Variants in DCAF5 observed in about 807,000 individuals in gnomAD.
DCAF5 encodes the protein DDB1- and CUL4-associated factor 5.
DCAF5 carries 9 observed loss-of-function variants against 80.7 expected under a neutral mutation model. That is an observed-to-expected ratio of 0.11 (90% CI 0.07 to 0.19). DCAF5 has a LOEUF of 0.19. DCAF5 is among the 10% of genes least tolerant of loss of function. The pLI is 1.00. For synonymous variants in DCAF5, 433 were observed against 461.9 expected (o/e 0.94, Z 0.80); for missense variants, 842 against 1,205.7 (o/e 0.70, Z 4.47).
intron 6 of DCAF5, among the ~76,000 whole-genome samples, chr14:69,076,471 A>G (rs761783064): frequency 6.6e-5 from 10 of 152,260 alleles, no homozygotes; most frequent in Non-Finnish European, 1.3e-4. Flanking sequence ...AAGGAATGAA[A>G]TTCTGACACA....
At chr14:69,143,717 G>A (rs1417684748) in intron 1 of DCAF5, 2 of 152,218 alleles carry the variant, frequency 1.3e-5, no homozygotes, top group Non-Finnish European at 2.9e-5. Context: ...TGGCAGTGGC[G>A]ACTAATAAGT....
chr14:69,123,204 C>T (rs137863861), intron 1 of DCAF5, among the ~76,000 whole-genome samples: 140 of 152,288 alleles, frequency 9.2e-4, no homozygotes, highest in African/African-American at 3.1e-3. Context: ...CAAAGATACC[C>T]GTTAAGGGGG....
chr14:69,067,957 T>G (rs2038527364), intron 7 of DCAF5, among the ~76,000 whole-genome samples: 1 of 152,160 alleles, frequency 6.6e-6, no homozygotes, highest in Admixed American at 6.5e-5. Flanking sequence ...TACAGCATTT[T>G]TACTATAATG....
intron 5 of DCAF5, among the ~76,000 whole-genome samples, chr14:69,110,384 G>A (rs1176714519): frequency 1.3e-5 from 2 of 149,968 alleles, no homozygotes; most frequent in Non-Finnish European, 3.0e-5. Context: ...TCCTGCCTCA[G>A]CCTCCCAAGT....
intron 5 of DCAF5, among the ~76,000 whole-genome samples, chr14:69,111,820 T>C (rs1566764895): frequency 6.6e-6 from 1 of 152,118 alleles, no homozygotes; most frequent in Non-Finnish European, 1.5e-5. Flanking sequence ...AAGTGTGAAA[T>C]GTTTTTTTAT....
intron 1 of DCAF5, among the ~76,000 whole-genome samples, chr14:69,125,243 G>A (rs2040840667): frequency 6.6e-6 from 1 of 152,140 alleles, no homozygotes; most frequent in Non-Finnish European, 1.5e-5. Flanking sequence ...GTCCGCCTTA[G>A]TAGCATAACT....
chr14:69,067,376 C>G (rs1222040318), intron 7 of DCAF5, among the ~76,000 whole-genome samples: 1 of 141,518 alleles, frequency 7.1e-6, no homozygotes, highest in Non-Finnish European at 1.5e-5. Context: ...CAGGGTCTCA[C>G]TCTGTTCCCC....
chr14:69,068,206 A>G (rs936321099), intron 7 of DCAF5, among the ~76,000 whole-genome samples: 2 of 152,198 alleles, frequency 1.3e-5, no homozygotes, highest in African/African-American at 4.8e-5. Context: ...AAGGCAAAAA[A>G]TGTTCATTTT....
intron 1 of DCAF5, among the ~76,000 whole-genome samples, chr14:69,137,008 T>C (rs972975985): frequency 4.6e-5 from 7 of 152,214 alleles, no homozygotes; most frequent in African/African-American, 1.7e-4. Flanking sequence ...ATATTAACAA[T>C]GGTCATCCTG....
rs146394843 is a variant in DCAF5 at position 69,058,216 on chromosome 14, C to T, written c.1075-2605G>A. On this transcript the variant is annotated intron_variant, in intron 8 of 8. Coordinates refer to ENST00000341516, the MANE Select transcript of DCAF5 (RefSeq NM_003861.3). ...AGTGAATCAATGAAAAACCAACTTC[C>T]TGTTACATGTTAAATGTGGCAGCCG... 1.5e-3 allele frequency among the ~76,000 whole-genome samples: 235 copies of T among 152,218 alleles called. 2 individuals carry two copies. Among genetic ancestry groups the T allele is most frequent in the Admixed American group, 2.3e-3 (35 of 15,288 alleles).
chr14:69,102,450 T>C (rs1016727050), intron 5 of DCAF5, among the ~76,000 whole-genome samples: 32 of 152,062 alleles, frequency 2.1e-4, no homozygotes, highest in Admixed American at 4.6e-4. Flanking sequence ...TTTTTTACTG[T>C]TTTAACTTTT....
chr14:69,102,891 GTTACGTACTGTACATCATCTT>G (rs2040013159), intron 5 of DCAF5, among the ~76,000 whole-genome samples: 1 of 152,124 alleles, frequency 6.6e-6, no homozygotes, highest in Non-Finnish European at 1.5e-5. Context: ...ATTATCAAGT[GTTACGTACTGTACATCATCTT>G]ATGTACTACA....
At chr14:69,097,407 C>T (rs913427832) in intron 5 of DCAF5, among the ~76,000 whole-genome samples, 7 of 152,006 alleles carry the variant, frequency 4.6e-5, no homozygotes, top group African/African-American at 1.7e-4. Flanking sequence ...TTTATAGTAA[C>T]CCTTCATAAT....
At chr14:69,111,549 G>T (rs2040366966) in intron 5 of DCAF5, among the ~76,000 whole-genome samples, 2 of 152,304 alleles carry the variant, frequency 1.3e-5, no homozygotes, top group South Asian at 2.1e-4. Context: ...AGGGAGAGAG[G>T]TAGTGAGTAA....
chr14:69,072,623 T>TAAA, intron 7 of DCAF5, among the ~76,000 whole-genome samples: 1 of 116,452 alleles, frequency 8.6e-6, no homozygotes. Context: ...ACCCTGACTT[T>TAAA]AAAAAAAAAA....
intron 6 of DCAF5, chr14:69,083,261 G>C (rs1351562970): frequency 6.5e-6 from 1 of 153,208 alleles, no homozygotes; most frequent in Non-Finnish European, 1.5e-5. Flanking sequence ...TTTCTGAGAT[G>C]ACTGTTTATA....
intron 8 of DCAF5, among the ~76,000 whole-genome samples, chr14:69,058,422 G>C (rs2038063251): frequency 6.6e-6 from 1 of 152,012 alleles, no homozygotes; most frequent in Non-Finnish European, 1.5e-5. Context: ...GGGAGGCTGA[G>C]GCAGGAGAAT....
intron 6 of DCAF5, chr14:69,090,637 G>C (rs948117775): frequency 6.4e-6 from 1 of 155,308 alleles, no homozygotes; most frequent in Non-Finnish European, 1.4e-5. Flanking sequence ...CCCATCTAAG[G>C]AGAAAAATCC....
At chr14:69,082,119 G>C (rs1015265614) in intron 6 of DCAF5, among the ~76,000 whole-genome samples, 1 of 152,236 alleles carries the variant, frequency 6.6e-6, no homozygotes, top group Non-Finnish European at 1.5e-5. Flanking sequence ...ATGCTCTCTA[G>C]ATGACTATTT....
Sources: gnomAD v4.1 joint callset for allele counts (sites outside exome capture counted in the v4.1 genomes callset) on GRCh38, gnomAD v4.1.1 for gene constraint, MANE v1.5 for transcripts, NCBI Gene and HGNC (gene_info 2026-07-23, HGNC 2026-07-21) for gene names.